Variants in EHMT1 observed in about 807,000 individuals in gnomAD.
EHMT1 encodes euchromatic histone lysine methyltransferase 1.
A neutral mutation model predicts 147.2 loss-of-function variants in EHMT1; 15 were observed. That is an observed-to-expected ratio of 0.10 (90% confidence interval 0.07 to 0.16). The LOEUF (loss-of-function observed/expected upper bound fraction) is 0.16. EHMT1 is among the 10% of genes least tolerant of loss of function. The pLI is 1.00. For missense variants in EHMT1, 1,587 were observed against 1,772.4 expected (o/e 0.90, Z 1.88); for synonymous variants, 795 against 709.6 (o/e 1.12, Z -1.91).
rs1456661508 is a variant in EHMT1, at chr9:137,834,459, G to A, written c.3651G>A (p.Gln1217=). ...LVPVRVFMAH[Q]DLRFPRIAFF... is the part of the protein sequence containing the mutation. ...CCGTGCGCGTGTTCATGGCCCACCAGGACCTGCGGTTCCCCCGGATCGCCT... is the reference window on the plus strand; with the variant it reads ...CCGTGCGCGTGTTCATGGCCCACCAAGACCTGCGGTTCCCCCGGATCGCCT... Residue 1217 remains glutamine, a synonymous_variant, in exon 26 of 27, where the codon CAG becomes CAA. Coordinates refer to ENST00000460843, the MANE Select transcript of EHMT1 (RefSeq NM_024757.5). The A allele has an allele frequency of 6.2e-7, 1 of 1,612,986 alleles. No homozygotes were observed. Among genetic ancestry groups the A allele is most frequent in the African/African-American group, 1.3e-5 (1 of 74,930 alleles).
chr9:137,831,336 G>A (rs147071386), intron 25 of EHMT1, among the ~76,000 whole-genome samples: 1 of 152,050 alleles, frequency 6.6e-6, no homozygotes, highest in Non-Finnish European at 1.5e-5. Context: ...CCTTTCTCCC[G>A]ACAGGATTTG....
intron 1 of EHMT1, among the ~76,000 whole-genome samples, chr9:137,680,331 G>A (rs532371950): frequency 6.6e-6 from 1 of 152,278 alleles, no homozygotes; most frequent in African/African-American, 2.4e-5. Flanking sequence ...AATTTAGCCA[G>A]GTGTGGTGGT....
chr9:137,621,715 TC>T (rs1295767192), intron 1 of EHMT1, among the ~76,000 whole-genome samples: 3 of 152,204 alleles, frequency 2.0e-5, no homozygotes, highest in Non-Finnish European at 2.9e-5. Flanking sequence ...TTTAAATATG[TC>T]CAGGGTCACT....
At chr9:137,716,601 G>A (rs1396156763) in intron 2 of EHMT1, 25 bp from the exon 3 acceptor site, 1 of 1,541,350 alleles carries the variant, frequency 6.5e-7, no homozygotes, top group Admixed American at 1.9e-5. Flanking sequence ...CCTGCAGTCA[G>A]TGACACTCGT....
intron 1 of EHMT1, among the ~76,000 whole-genome samples, chr9:137,620,357 C>T (rs1842879098): frequency 6.6e-6 from 1 of 152,172 alleles, no homozygotes; most frequent in African/African-American, 2.4e-5. Context: ...TCAGGCGCCT[C>T]CCTCGGTTTT....
At chr9:137,816,952 C>G (rs1387283378) in intron 23 of EHMT1, 1 of 230,086 alleles carries the variant, frequency 4.3e-6, no homozygotes, top group Non-Finnish European at 8.7e-6. Context: ...CCCGGCCACC[C>G]TCCCCCAGGC....
intron 1 of EHMT1, among the ~76,000 whole-genome samples, chr9:137,678,327 G>T (rs553456911): frequency 6.6e-6 from 1 of 152,272 alleles, no homozygotes; most frequent in South Asian, 2.1e-4. Context: ...CCTGATCGCT[G>T]GGGGGAAGCA....
At chr9:137,789,684 G>C (rs1952358399) in intron 15 of EHMT1, among the ~76,000 whole-genome samples, 1 of 152,176 alleles carries the variant, frequency 6.6e-6, no homozygotes, top group Non-Finnish European at 1.5e-5. Flanking sequence ...TCCGGTCAAA[G>C]TCTCCTGAGC....
chr9:137,725,023 GCGTGTGGCCTT>G (rs1390439270), intron 3 of EHMT1, among the ~76,000 whole-genome samples: 36 of 145,116 alleles, frequency 2.5e-4, no homozygotes, highest in South Asian at 8.8e-4. Context: ...CATGGGGCAG[GCGTGTGGCCTT>G]CGTGGGGCAT....
intron 1 of EHMT1, among the ~76,000 whole-genome samples, chr9:137,670,062 G>C (rs1365848103): frequency 6.6e-6 from 1 of 152,140 alleles, no homozygotes; most frequent in Non-Finnish European, 1.5e-5. Context: ...GTTTCACCTT[G>C]TTGGCCAGGC....
At position 137,814,502 on chromosome 9, in the gene EHMT1, C is replaced by T. The variant is rs368087892; in HGVS notation, c.3252C>T (p.Tyr1084=). The T allele has an allele frequency of 1.2e-4, 194 of 1,606,324 alleles. No individual in the cohort carries two copies. The highest frequency in any genetic ancestry group is 1.5e-4 in the Non-Finnish European group (175 of 1,179,998). The change falls in exon 22 of 27, where the codon TAC becomes TAT. Residue 1084 remains tyrosine (Y), a synonymous_variant. Coordinates refer to ENST00000460843, the MANE Select transcript of EHMT1 (RefSeq NM_024757.5). Reference sequence around the variant, plus strand: ...GCCAGCTCAGCATGCGCTGCTGGTACGACAAGGTGAGGGCGGCCTCGTGTG... The same window carrying T: ...GCCAGCTCAGCATGCGCTGCTGGTATGACAAGGTGAGGGCGGCCTCGTGTG... The part of the protein sequence containing the change: ...MCGQLSMRCW[Y]DKDGRLLPEF...
At chr9:137,621,068 AG>A (rs1842919184) in intron 1 of EHMT1, among the ~76,000 whole-genome samples, 1 of 152,236 alleles carries the variant, frequency 6.6e-6, no homozygotes. Flanking sequence ...ATGGAGTTGC[AG>A]GTGGTTTGGC....
intron 1 of EHMT1, chr9:137,638,306 C>G (rs1473298511): frequency 6.6e-6 from 1 of 152,076 alleles, no homozygotes; most frequent in Admixed American, 6.6e-5. Context: ...GACGGAGTTT[C>G]ACCATGTTGG....
chr9:137,721,600 C>T (rs1946059230), intron 3 of EHMT1, among the ~76,000 whole-genome samples: 1 of 147,232 alleles, frequency 6.8e-6, no homozygotes, highest in African/African-American at 2.5e-5. Flanking sequence ...CTCACCGTCA[C>T]CCTCTCCTAC....
At chr9:137,718,816 C>T (rs1485858728) in intron 3 of EHMT1, among the ~76,000 whole-genome samples, 4 of 146,398 alleles carry the variant, frequency 2.7e-5, no homozygotes, top group Non-Finnish European at 4.4e-5. Context: ...AGTGAAATGG[C>T]GCGATCTCAG....
intron 25 of EHMT1, among the ~76,000 whole-genome samples, chr9:137,832,268 C>T (rs1956251823): frequency 1.3e-5 from 2 of 148,350 alleles, no homozygotes; most frequent in South Asian, 2.2e-4. Context: ...CTCCTCAGGC[C>T]CCGCTTCCCA....
At chr9:137,806,366 G>A (rs1002833483) in intron 18 of EHMT1, among the ~76,000 whole-genome samples, 2 of 151,806 alleles carry the variant, frequency 1.3e-5, no homozygotes, top group African/African-American at 4.8e-5. Flanking sequence ...TGCTCCTGAT[G>A]TTGCTTCCCT....
intron 4 of EHMT1, among the ~76,000 whole-genome samples, chr9:137,741,033 G>A (rs918238957): frequency 2.0e-5 from 3 of 150,544 alleles, no homozygotes; most frequent in African/African-American, 7.5e-5. Flanking sequence ...CTGGAGTGCA[G>A]TGGTGCGATC....
At chr9:137,719,863 C>T (rs1469191516) in intron 3 of EHMT1, among the ~76,000 whole-genome samples, 2 of 144,460 alleles carry the variant, frequency 1.4e-5, no homozygotes, top group African/African-American at 5.2e-5. Context: ...GAACCCCCTC[C>T]ACACCAGGAC....
Sources: gnomAD v4.1 joint callset for allele counts (sites outside exome capture counted in the v4.1 genomes callset) on GRCh38, gnomAD v4.1.1 for gene constraint, MANE v1.5 for transcripts, NCBI Gene and HGNC (gene_info 2026-07-23, HGNC 2026-07-21) for gene names.